TLN2: variants seen among roughly 807,000 people sequenced by gnomAD.
TLN2 encodes talin 2.
In TLN2, 118 loss-of-function variants were observed where a neutral mutation model predicts 294.7. The ratio of observed to expected loss-of-function variants is 0.40; its 90% CI spans 0.34 to 0.47. The LOEUF is 0.47. TLN2 is among the 20% of genes least tolerant of loss of function. The pLI, the probability that TLN2 is intolerant of heterozygous loss-of-function variation, is 0.84. For synonymous variants in TLN2, 1,431 were observed against 1,304.5 expected (o/e 1.10, Z -2.09); for missense variants, 3,083 against 3,282.2 (o/e 0.94, Z 1.48).
intron 1 of TLN2, among the ~76,000 whole-genome samples, chr15:62,566,749 T>A (rs1165706694): frequency 6.6e-6 from 1 of 151,560 alleles, no homozygotes; most frequent in Non-Finnish European, 1.5e-5. Context: ...TCAATCCAGG[T>A]CCTCACTGTG....
chr15:62,469,342 A>G (rs1387502981), intron 1 of TLN2, among the ~76,000 whole-genome samples: 3 of 152,214 alleles, frequency 2.0e-5, no homozygotes, highest in Non-Finnish European at 4.4e-5. Flanking sequence ...TCAGAAGACA[A>G]AGTGTGTGAG....
chr15:62,774,410 T>C (rs1452909996), intron 42 of TLN2, among the ~76,000 whole-genome samples: 1 of 152,160 alleles, frequency 6.6e-6, no homozygotes, highest in African/African-American at 2.4e-5. Flanking sequence ...ACTTATGAGA[T>C]TGCTGTCGGT....
intron 1 of TLN2, among the ~76,000 whole-genome samples, chr15:62,587,643 C>T (rs1046803859): frequency 2.0e-5 from 3 of 152,156 alleles, no homozygotes; most frequent in African/African-American, 7.2e-5. Context: ...ATAAACAATG[C>T]CATGTGTATC....
At chr15:62,664,857 C>CAAAAAAAAAAAAAAAAAAAAAAAAAA (rs10634187) in intron 9 of TLN2, among the ~76,000 whole-genome samples, 2 of 29,212 alleles carry the variant, frequency 6.8e-5, no homozygotes, top group African/African-American at 2.6e-4. Flanking sequence ...GAAACTGTCT[C>CAAAAAAAAAAAAAAAAAAAAAAAAAA]AAAAAAAAAA....
At chr15:62,516,273 G>A (rs192446871) in intron 1 of TLN2, among the ~76,000 whole-genome samples, 23 of 152,314 alleles carry the variant, frequency 1.5e-4, no homozygotes, top group Admixed American at 6.5e-5. Flanking sequence ...GGCAATAAGA[G>A]CTTCTAAATT....
chr15:62,549,028 G>T (rs563205563), intron 1 of TLN2, among the ~76,000 whole-genome samples: 1 of 152,180 alleles, frequency 6.6e-6, no homozygotes, highest in Non-Finnish European at 1.5e-5. Context: ...CTTATGCCCA[G>T]AAAAGTTCTT....
At chr15:62,487,347 T>C (rs1183749782) in intron 1 of TLN2, among the ~76,000 whole-genome samples, 1 of 152,186 alleles carries the variant, frequency 6.6e-6, no homozygotes, top group African/African-American at 2.4e-5. Context: ...GAGGCCACCA[T>C]GTAGGAAAGG....
chr15:62,734,909 C>T (rs942228343), intron 28 of TLN2, among the ~76,000 whole-genome samples: 9 of 152,212 alleles, frequency 5.9e-5, no homozygotes, highest in African/African-American at 1.9e-4. Flanking sequence ...GGTGCTGACT[C>T]AGCTGAAGCA....
In TLN2 at chr15:62,650,570, T is replaced by C. The variant is rs1021771418; in HGVS notation, c.234+389T>C. ...TAGTTAGAGACTGAATATTAGTGTT[T>C]TGTTTCTGAAAAAGAAACTTCAATT... On this transcript the variant is annotated intron_variant, in intron 5 of 58. Transcript: ENST00000636159. Among the ~76,000 whole-genome samples the C allele has an allele frequency of 2.6e-5, 4 of 152,338 alleles. No individual in the cohort carries two copies. In the Middle Eastern group the frequency reaches 0.01, roughly 389 times the overall value.
intron 14 of TLN2, among the ~76,000 whole-genome samples, chr15:62,697,169 G>A (rs146519671): frequency 1.6e-3 from 249 of 152,044 alleles, no homozygotes; most frequent in African/African-American, 5.8e-3. Context: ...GTACAGTGGC[G>A]CGATCATAGC....
intron 1 of TLN2, among the ~76,000 whole-genome samples, chr15:62,588,330 G>A (rs969716511): frequency 6.6e-6 from 1 of 151,786 alleles, no homozygotes; most frequent in African/African-American, 2.4e-5. Flanking sequence ...GACTGTTTTA[G>A]TCTGTTTTTG....
chr15:62,592,281 T>C (rs914970193), intron 2 of TLN2, among the ~76,000 whole-genome samples: 4 of 152,198 alleles, frequency 2.6e-5, no homozygotes, highest in African/African-American at 9.6e-5. Context: ...GATTCAGTCC[T>C]TTGGAATTGT....
At chr15:62,766,594 C>A (rs1012609709) in intron 41 of TLN2, among the ~76,000 whole-genome samples, 172 bp downstream of exon 41, 9 of 152,206 alleles carry the variant, frequency 5.9e-5, no homozygotes, top group African/African-American at 1.2e-4. Flanking sequence ...GGCATCCTCT[C>A]CAGAAATTAT....
chr15:62,500,304 C>T (rs535405822), intron 1 of TLN2, among the ~76,000 whole-genome samples: 2 of 152,280 alleles, frequency 1.3e-5, no homozygotes, highest in South Asian at 2.1e-4. Context: ...CACCATTGCT[C>T]TCCAGCCTGG....
chr15:62,824,605 T>C (rs2067870399), intron 54 of TLN2, among the ~76,000 whole-genome samples: 1 of 152,232 alleles, frequency 6.6e-6, no homozygotes, highest in Non-Finnish European at 1.5e-5. Flanking sequence ...ATGAAGGTAA[T>C]ATAATGTTGA....
At position 62,694,271 on chromosome 15, in the gene TLN2, G is replaced by A. The variant is rs199996823; in HGVS notation, c.1216-45G>A. ...GGATTAGAGGCGTGAGCCACCGCGC[G>A]TGGCCTGGTTTTCATTTTTGCATCT... On this transcript the variant is annotated intron_variant, in intron 13 of 58. Transcript: ENST00000636159. 331 of 1,598,200 alleles carry A rather than the reference G, an allele frequency of 2.1e-4. 2 individuals carry two copies. The East Asian group carries it at 6.7e-3, about 32-fold the overall frequency.
At chr15:62,423,478 G>C (rs1219994286) in intron 1 of TLN2, among the ~76,000 whole-genome samples, 1 of 152,144 alleles carries the variant, frequency 6.6e-6, no homozygotes, top group Non-Finnish European at 1.5e-5. Flanking sequence ...ACCTATAGCA[G>C]GTGTCTTGCA....
chr15:62,794,182 G>A (rs1006942119), intron 46 of TLN2, among the ~76,000 whole-genome samples: 4 of 152,164 alleles, frequency 2.6e-5, no homozygotes, highest in African/African-American at 4.8e-5. Context: ...AGCTGGCCTC[G>A]GCCGCTACCT....
chr15:62,768,364 C>T (rs552103803), intron 41 of TLN2, among the ~76,000 whole-genome samples: 8 of 152,280 alleles, frequency 5.3e-5, no homozygotes, highest in Non-Finnish European at 8.8e-5. Flanking sequence ...TTGACTGTCG[C>T]GCTGATCCCT....
Sources: allele counts gnomAD v4.1 joint callset (sites outside exome capture counted in the v4.1 genomes callset), GRCh38; gene constraint gnomAD v4.1.1; transcripts MANE v1.5; gene names NCBI Gene and HGNC (gene_info 2026-07-23, HGNC 2026-07-21).